The following ZNF266 variants were observed in gnomAD, a reference collection of about 807,000 sequenced individuals.
ZNF266 encodes zinc finger protein 266.
In ZNF266, 16 loss-of-function variants were observed where a neutral mutation model predicts 16.4. The ratio of observed to expected loss-of-function variants is 0.98; its 90% CI spans 0.66 to 1.48. ZNF266 has a LOEUF of 1.48. Among genes scored for constraint, ZNF266 ranks in the 40% most tolerant of loss-of-function variants. The pLI, the probability that ZNF266 is intolerant of heterozygous loss-of-function variation, is 0.00. For missense variants in ZNF266, 738 were observed against 689.1 expected (o/e 1.07, Z -0.79); for synonymous variants, 262 against 237.9 (o/e 1.10, Z -0.93).
chr19:9,425,590 C>G (rs916491517), intron 5 of ZNF266, among the ~76,000 whole-genome samples: 1 of 152,178 alleles, frequency 6.6e-6, no homozygotes, highest in African/African-American at 2.4e-5. Flanking sequence ...GGCCTGTTTA[C>G]TACCTGGCCC....
chr19:9,427,316 ATGTT>A (rs938486080), intron 5 of ZNF266, among the ~76,000 whole-genome samples: 6 of 151,710 alleles, frequency 4.0e-5, no homozygotes, highest in Middle Eastern at 3.4e-3. Flanking sequence ...TTTGACCAAC[ATGTT>A]TGTTTGTTTT....
At position 9,415,714 on chromosome 19, in the gene ZNF266, G is replaced by T; in HGVS notation, c.345C>A (p.Thr115=). 6.2e-7 allele frequency: 1 copy of T among 1,613,216 alleles called. No individual in the cohort carries two copies. The highest frequency in any genetic ancestry group is 1.3e-5 in the African/African-American group (1 of 75,026). ...QASEWKVQLK[T]KELALQQDVL... is the part of the protein sequence containing the mutation. The stretch of plus-strand genomic sequence containing the variant: ...CATCCTGCTGAAGGGCTAACTCTTT[G>T]GTTTTAAGTTGCACTTTCCATTCTG... Residue 115 remains threonine, a synonymous_variant, in exon 10 of 11, where the codon ACC becomes ACA. Transcript: ENST00000592904.
intron 5 of ZNF266, among the ~76,000 whole-genome samples, chr19:9,423,472 G>C (rs1305052270): frequency 3.3e-5 from 5 of 152,324 alleles, no homozygotes; most frequent in African/African-American, 1.2e-4. Flanking sequence ...CAGAGGAAGT[G>C]CAACAATGGA....
intron 5 of ZNF266, among the ~76,000 whole-genome samples, chr19:9,422,803 C>T (rs1214120250): frequency 6.6e-6 from 1 of 152,174 alleles, no homozygotes; most frequent in Non-Finnish European, 1.5e-5. Flanking sequence ...AGTGTATTGG[C>T]CTGCTTCTGG....
intron 3 of ZNF266, 24 bp from the exon 4 acceptor site, chr19:9,434,259 A>G (rs531203106): frequency 2.2e-4 from 33 of 152,306 alleles, no homozygotes; most frequent in Admixed American, 5.9e-4. Flanking sequence ...AAATAGAGAA[A>G]ATAATTCTGT....
At chr19:9,433,268 A>G (rs553644942) in intron 5 of ZNF266, among the ~76,000 whole-genome samples, 1 of 152,268 alleles carries the variant, frequency 6.6e-6, no homozygotes, top group South Asian at 2.1e-4. Context: ...GCCCCTTCAC[A>G]GCTTTTTGGC....
At position 9,414,367 on chromosome 19, in the gene ZNF266, C is replaced by T. The variant is rs771718021; in HGVS notation, c.759G>A (p.Trp253Ter). 6.2e-7 allele frequency: 1 copy of T among 1,614,056 alleles called. No homozygotes were observed. The highest frequency in any genetic ancestry group is 1.3e-5 in the African/African-American group (1 of 74,932). ...RTHNGESLHE[W>*]KECGRGFIHS... ...GAATAAAGCCTCTCCCACATTCCTT[C>T]CATTCATGGAGACTTTCTCCATTGT... is the stretch of plus-strand genomic sequence containing the variant. Residue 253 changes from tryptophan (W) to a stop codon, truncating the protein, a stop_gained, in exon 11 of 11, where the codon TGG becomes TGA. Coordinates refer to ENST00000592904, the MANE Select transcript of ZNF266 (RefSeq NM_001370374.1). LOFTEE classifies it low-confidence loss of function (END_TRUNC).
chr19:9,417,981 GAT>G, intron 8 of ZNF266, 73 bp from the exon 9 acceptor site: 3 of 1,416,356 alleles, frequency 2.1e-6, no homozygotes, highest in Non-Finnish European at 2.0e-6. Flanking sequence ...CAACTCAGGA[GAT>G]ATAGTTCCAA....
intron 9 of ZNF266, among the ~76,000 whole-genome samples, chr19:9,416,184 T>A (rs989930701): frequency 6.6e-6 from 1 of 152,096 alleles, no homozygotes; most frequent in Admixed American, 6.6e-5. Flanking sequence ...GATTTGAAGA[T>A]TGTATATCAA....
rs1363140435 is a variant in ZNF266 at position 9,414,689 on chromosome 19, T to C, written c.437A>G (p.Asp146Gly). The C allele has an allele frequency of 5.0e-6, 8 of 1,584,290 alleles. No homozygotes were observed. The East Asian group carries it at 1.6e-4, about 31-fold the overall frequency. Residue 146 changes from aspartate (D) to glycine (G), a missense_variant, in exon 11 of 11, where the codon GAT becomes GGT. Physicochemically the swap from Asp to Gly is moderately conservative, Grantham distance 94. Transcript: ENST00000592904. ...IGSHNGGEVS[D>G]VKQCGDVSSE... The stretch of plus-strand genomic sequence containing the variant: ...GGAGACATCTCCACATTGCTTAACA[T>C]CACTGACCTCCCCTCCGTTGTGGCT...
intron 5 of ZNF266, among the ~76,000 whole-genome samples, chr19:9,421,938 G>A (rs1293628996): frequency 2.0e-5 from 3 of 151,590 alleles, no homozygotes; most frequent in Admixed American, 6.6e-5. Context: ...TGCAAGCTCC[G>A]CCTCCAGGTT....
chr19:9,421,753 G>A (rs2069920211), intron 5 of ZNF266, among the ~76,000 whole-genome samples: 2 of 152,110 alleles, frequency 1.3e-5, no homozygotes, highest in Non-Finnish European at 2.9e-5. Flanking sequence ...TTCTTCTTGT[G>A]TATCTGTAAT....
chr19:9,421,764 G>A (rs117670016), intron 5 of ZNF266, among the ~76,000 whole-genome samples: 1 of 152,204 alleles, frequency 6.6e-6, no homozygotes, highest in Non-Finnish European at 1.5e-5. Flanking sequence ...TATCTGTAAT[G>A]TATACTCCTT....
Position 9,413,800 on chromosome 19 carries a change from A to C in ZNF266, c.1326T>G (p.Ser442Arg), listed in dbSNP as rs2068578251. The C allele has an allele frequency of 1.2e-6, 2 of 1,614,106 alleles. No individual in the cohort carries two copies. The highest frequency in any genetic ancestry group is 2.7e-5 in the African/African-American group (2 of 75,046). ...CCTTACATTCATAGGGCCTCTCTCC[A>C]CTGTGAGTTCGTGCATGCTTAGTAA... is the stretch of plus-strand genomic sequence containing the variant. ...SDLTKHARTH[S>R]GERPYECKEC... Residue 442 changes from serine (S) to arginine (R), a missense_variant, in exon 11 of 11, where the codon AGT (serine) becomes AGG (arginine). Transcript: ENST00000592904.
intron 9 of ZNF266, among the ~76,000 whole-genome samples, 161 bp downstream of exon 9, chr19:9,417,667 G>T (rs2069256078): frequency 6.6e-6 from 1 of 152,022 alleles, no homozygotes; most frequent in African/African-American, 2.4e-5. Context: ...AGAATCGCTT[G>T]CACCTGCGAG....
intron 5 of ZNF266, among the ~76,000 whole-genome samples, chr19:9,430,352 G>A (rs1481446969): frequency 1.4e-5 from 2 of 142,096 alleles, no homozygotes; most frequent in Non-Finnish European, 3.1e-5. Context: ...TCCTGAGCCA[G>A]GTGATCACCT....
chr19:9,417,947 T>C (rs780496346), intron 8 of ZNF266, 39 bp from the exon 9 acceptor site: 2 of 1,577,432 alleles, frequency 1.3e-6, no homozygotes, highest in Non-Finnish European at 1.7e-6. Context: ...AAGAGGCTCA[T>C]GCAAGAGATG....
In ZNF266 at chr19:9,435,364, G is replaced by C. The variant is rs553208432; in HGVS notation, c.-638C>G. 2.6e-5 allele frequency: 4 copies of C among 152,268 alleles called. No individual in the cohort carries two copies. The highest frequency in any genetic ancestry group is 5.9e-5 in the Non-Finnish European group (4 of 68,118). 9.4% of individuals were successfully genotyped at this position (152,268 alleles called of 1,614,324 possible). On this transcript the variant is annotated 5_prime_UTR_variant, in exon 1 of 11. Coordinates refer to ENST00000592904, the MANE Select transcript of ZNF266 (RefSeq NM_001370374.1). ...CTTTTTGAACCTGGCGGCGCCAGGA[G>C]GACCCGCGCGGCCCCGGCGGACGCG...
chr19:9,416,133 T>A (rs949368972), intron 9 of ZNF266, among the ~76,000 whole-genome samples: 5 of 152,122 alleles, frequency 3.3e-5, no homozygotes, highest in Non-Finnish European at 7.3e-5. Context: ...CTGTATTTGT[T>A]TTCAAATTAA....
Sources: gnomAD v4.1 joint callset for allele counts (sites outside exome capture counted in the v4.1 genomes callset) on GRCh38, gnomAD v4.1.1 for gene constraint, MANE v1.5 for transcripts, NCBI Gene and HGNC (gene_info 2026-07-23, HGNC 2026-07-21) for gene names.